EXOSC7: variants seen among roughly 807,000 people sequenced by gnomAD.
EXOSC7 encodes exosome complex component RRP42.
In EXOSC7, 25 loss-of-function variants were observed where a neutral mutation model predicts 34.3. The observed-to-expected ratio is 0.73, with a 90% CI of 0.53 to 1.02. The LOEUF (loss-of-function observed/expected upper bound fraction) is 1.02, where lower values mean the gene tolerates loss of function less well. Ranked by LOEUF, EXOSC7 falls within the 50% of genes least tolerant of loss-of-function variation. EXOSC7 has a pLI of 0.00. For missense variants in EXOSC7, 370 were observed against 368.5 expected, an observed-to-expected ratio of 1.00 and a Z score of -0.03; for synonymous variants, 130 against 143.0, an observed-to-expected ratio of 0.91 and a Z score of 0.65.
At chr3:44,996,789 G>A (rs139093813) in intron 3 of EXOSC7, among the ~76,000 whole-genome samples, 38 of 152,296 alleles carry the variant, frequency 2.5e-4, no homozygotes, top group African/African-American at 8.2e-4. Context: ...ATTATCGGCC[G>A]AGGTTCACAT....
chr3:45,003,969 T>C (rs1257301217), intron 5 of EXOSC7, among the ~76,000 whole-genome samples: 2 of 152,178 alleles, frequency 1.3e-5, no homozygotes, highest in Non-Finnish European at 2.9e-5. Flanking sequence ...CTGCTGTTTA[T>C]CCAGTCTACT....
intron 3 of EXOSC7, among the ~76,000 whole-genome samples, chr3:44,992,296 G>A (rs1369364188): frequency 6.6e-6 from 1 of 152,102 alleles, no homozygotes; most frequent in Non-Finnish European, 1.5e-5. Context: ...TGGTGGTGAG[G>A]GTTTCTTCTG....
At chr3:45,001,976 G>C (rs1706895317) in intron 5 of EXOSC7, 2 of 220,756 alleles carry the variant, frequency 9.1e-6, no homozygotes, top group South Asian at 1.4e-4. Context: ...TTTTGTACTT[G>C]CCTATATTCC....
At chr3:44,987,015 A>G (rs151092317) in intron 1 of EXOSC7, among the ~76,000 whole-genome samples, 3,407 of 151,952 alleles carry the variant, frequency 0.022, 82 homozygotes, top group Middle Eastern at 0.075. Flanking sequence ...ACTGCTTTTG[A>G]AAAATGTTTA....
At chr3:44,977,966 C>T (rs1251537006) in intron 1 of EXOSC7, among the ~76,000 whole-genome samples, 5 of 152,208 alleles carry the variant, frequency 3.3e-5, no homozygotes, top group Admixed American at 3.3e-4. Flanking sequence ...CCACCATGGT[C>T]ATTAGTTAAT....
At chr3:44,986,768 G>A (rs968581068) in intron 1 of EXOSC7, among the ~76,000 whole-genome samples, 4 of 152,358 alleles carry the variant, frequency 2.6e-5, no homozygotes, top group African/African-American at 9.6e-5. Flanking sequence ...ACGGGTGAAA[G>A]ACCTGAAGCA....
intron 1 of EXOSC7, among the ~76,000 whole-genome samples, chr3:44,983,380 C>T (rs557233770): frequency 3.3e-5 from 5 of 152,314 alleles, no homozygotes; most frequent in South Asian, 2.1e-4. Context: ...TGCTTTATGA[C>T]GTTTCTGTTC....
At position 44,997,265 on chromosome 3, in the gene EXOSC7, G is replaced by A. The variant is rs912693399; in HGVS notation, c.420+13G>A. The A allele has an allele frequency of 9.3e-6, 15 of 1,611,778 alleles. No individual in the cohort carries two copies. In the African/African-American group the frequency reaches 1.1e-4, roughly 11 times the overall value. On this transcript the variant is annotated intron_variant, in intron 4 of 7. Transcript: ENST00000265564. ...TGTGGATGTGCTGGTGAGTATCATC[G>A]TGCTGTACTGGCCACATTCTACCTT...
intron 4 of EXOSC7, among the ~76,000 whole-genome samples, 164 bp downstream of exon 4, chr3:44,997,416 T>C (rs1706752491): frequency 6.6e-6 from 1 of 152,172 alleles, no homozygotes; most frequent in Non-Finnish European, 1.5e-5. Flanking sequence ...TTTTAAAAAT[T>C]AAATACAACA....
chr3:45,007,185 C>T (rs899929166), intron 6 of EXOSC7, among the ~76,000 whole-genome samples: 1 of 152,204 alleles, frequency 6.6e-6, no homozygotes, highest in Non-Finnish European at 1.5e-5. Context: ...TAGTTTTAAA[C>T]CACCTTGCCC....
chr3:45,007,587 G>C lies in EXOSC7; in HGVS notation c.771+12G>C, dbSNP rs758764190. On this transcript the variant is annotated intron_variant, in intron 7 of 7. Transcript: ENST00000265564. ...TCGAGATGATGGAGGTGAGGCCTTA[G>C]TTCTGAGGAAGGTGCAGGGACCTGG... is the stretch of plus-strand genomic sequence containing the variant. 6.3e-7 allele frequency: 1 copy of C among 1,594,604 alleles called. No individual in the cohort carries two copies. The highest frequency in any genetic ancestry group is 8.5e-7 in the Non-Finnish European group (1 of 1,169,880).
At chr3:44,988,185 T>G (rs1486734455) in intron 1 of EXOSC7, among the ~76,000 whole-genome samples, 1 of 152,210 alleles carries the variant, frequency 6.6e-6, no homozygotes, top group East Asian at 1.9e-4. Flanking sequence ...GATAGATATC[T>G]TGTGTTGCAG....
intron 6 of EXOSC7, among the ~76,000 whole-genome samples, chr3:45,006,252 AT>A (rs1172740563): frequency 2.7e-4 from 40 of 148,882 alleles, no homozygotes; most frequent in Non-Finnish European, 4.8e-4. Context: ...TAATTTTTGT[AT>A]TTTTAGTAGA....
At chr3:44,995,869 G>T (rs1706707506) in intron 3 of EXOSC7, among the ~76,000 whole-genome samples, 1 of 152,174 alleles carries the variant, frequency 6.6e-6, no homozygotes, top group African/African-American at 2.4e-5. Flanking sequence ...CACAAATAGG[G>T]TGGGCACTGC....
chr3:44,987,265 G>A (rs1706447470), intron 1 of EXOSC7, among the ~76,000 whole-genome samples: 1 of 152,172 alleles, frequency 6.6e-6, no homozygotes, highest in African/African-American at 2.4e-5. Flanking sequence ...CATGAAAATA[G>A]CATAATACGG....
At chr3:44,988,919 C>T (rs973638715) in intron 1 of EXOSC7, among the ~76,000 whole-genome samples, 6 of 152,194 alleles carry the variant, frequency 3.9e-5, no homozygotes, top group African/African-American at 1.4e-4. Context: ...TTTTCACTAG[C>T]TGTAGGACCT....
At chr3:45,002,218 G>A (rs1342558627) in intron 5 of EXOSC7, 1 of 152,188 alleles carries the variant, frequency 6.6e-6, no homozygotes, top group Non-Finnish European at 1.5e-5. Context: ...TATGCTCCAA[G>A]TACTTTGAGG....
intron 3 of EXOSC7, 122 bp downstream of exon 3, chr3:44,989,766 G>T: frequency 2.7e-6 from 2 of 742,182 alleles, no homozygotes; most frequent in South Asian, 1.8e-5. Flanking sequence ...CATCCAGCAG[G>T]CATTTGCTGA....
intron 2 of EXOSC7, 33 bp downstream of exon 2, chr3:44,989,274 G>A (rs574280536): frequency 1.4e-6 from 2 of 1,479,948 alleles, no homozygotes; most frequent in Non-Finnish European, 9.4e-7. Flanking sequence ...AAGCCCAGGT[G>A]GAGAAATGAG....
Sources: allele counts gnomAD v4.1 joint callset (sites outside exome capture counted in the v4.1 genomes callset), GRCh38; gene constraint gnomAD v4.1.1; transcripts MANE v1.5; gene names NCBI Gene and HGNC (gene_info 2026-07-23, HGNC 2026-07-21).